The following FBLN5 variants were observed in gnomAD, a reference collection of about 807,000 sequenced individuals.
FBLN5 encodes the protein fibulin-5.
In FBLN5, 24 loss-of-function variants were observed where a neutral mutation model predicts 61.6. That is an observed-to-expected ratio of 0.39 (90% CI 0.28 to 0.55). The LOEUF is 0.55. FBLN5 is among the 20% of genes least tolerant of loss of function. The pLI, the probability that FBLN5 is intolerant of heterozygous loss-of-function variation, is 0.65. For synonymous variants in FBLN5, 213 were observed against 219.8 expected (o/e 0.97, Z 0.27); for missense variants, 470 against 594.1 (o/e 0.79, Z 2.17).
At position 91,870,126 on chromosome 14, in the gene FBLN5, C is replaced by T. The variant is rs568348723; in HGVS notation, c.*98G>A. 3.0e-5 allele frequency: 38 copies of T among 1,269,534 alleles called. No homozygotes were observed. Among genetic ancestry groups the T allele is most frequent in the Admixed American group, 2.3e-4 (13 of 57,418 alleles). The allele number at this position is 1,269,534 out of a possible 1,614,324, so 78.6% of individuals were successfully genotyped here. On this transcript the variant is annotated 3_prime_UTR_variant, in exon 11 of 11. Coordinates refer to ENST00000342058, the MANE Select transcript of FBLN5 (RefSeq NM_006329.4). ...TCGGGGAAACGTTCAGCAGGAAATG[C>T]CTAACGTCTGTGTCGCTCTCATTCT...
At chr14:91,919,009 T>C (rs546866202) in intron 4 of FBLN5, among the ~76,000 whole-genome samples, 2 of 151,612 alleles carry the variant, frequency 1.3e-5, no homozygotes, top group Non-Finnish European at 2.9e-5. Flanking sequence ...TGGGAAGAAA[T>C]CACAGATTAA....
At position 91,942,331 on chromosome 14, in the gene FBLN5, G is replaced by C. The variant is rs116118912; in HGVS notation, c.72+576C>G. Among the ~76,000 whole-genome samples, 409 of 152,338 alleles carry C rather than the reference G, an allele frequency of 2.7e-3. 2 individuals are homozygous for C. Among genetic ancestry groups the C allele is most frequent in the African/African-American group, 9.1e-3 (379 of 41,572 alleles). Reference sequence around the variant, plus strand: ...GGAGCTGAATTATGCAACACTACATGCTGGGATGTTTGGGTAACACCCACT... The same window carrying C: ...GGAGCTGAATTATGCAACACTACATCCTGGGATGTTTGGGTAACACCCACT... On this transcript the variant is annotated intron_variant, in intron 2 of 10. Transcript: ENST00000342058.
Position 91,877,609 on chromosome 14 carries a change from C to A in FBLN5, c.1063G>T (p.Val355Leu). ...PFTILYRDMDVVSGRSVPADI... is the reference protein window; with the variant it reads ...PFTILYRDMDLVSGRSVPADI... ...GCGGGAACGGAGCGTCCTGACACCACGTCCATGTCCCGGTACAAGATGGTA... is the reference window on the plus strand; with the variant it reads ...GCGGGAACGGAGCGTCCTGACACCAAGTCCATGTCCCGGTACAAGATGGTA... Residue 355 changes from valine (V) to leucine (L), a missense_variant, in exon 10 of 11, where the codon GTG becomes TTG. Physicochemically the swap from Val to Leu is conservative, Grantham distance 32 (BLOSUM62 1). Transcript: ENST00000342058. 6.2e-7 allele frequency: 1 copy of A among 1,613,962 alleles called. No homozygotes were observed. Among genetic ancestry groups the A allele is most frequent in the African/African-American group, 1.3e-5 (1 of 75,034 alleles).
At chr14:91,923,831 A>G (rs2055781555) in intron 4 of FBLN5, among the ~76,000 whole-genome samples, 4 of 152,306 alleles carry the variant, frequency 2.6e-5, no homozygotes, top group Middle Eastern at 3.4e-3. Context: ...TCTGACACAG[A>G]AAAGTGATCA....
chr14:91,895,797 CAAAAAAAAAAA>C (rs60216411), intron 4 of FBLN5, among the ~76,000 whole-genome samples: 9 of 63,500 alleles, frequency 1.4e-4, no homozygotes, highest in Non-Finnish European at 1.9e-4. Flanking sequence ...GACCCTGTCT[CAAAAAAAAAAA>C]AAAAAAAAAA....
chr14:91,873,753 A>G (rs1889045653), intron 10 of FBLN5: 1 of 152,250 alleles, frequency 6.6e-6, no homozygotes, highest in Middle Eastern at 3.1e-3. Context: ...CCAACAGCCC[A>G]CCAGCTGTGT....
At chr14:91,936,042 A>AAG (rs1313198358) in intron 4 of FBLN5, among the ~76,000 whole-genome samples, 1 of 152,234 alleles carries the variant, frequency 6.6e-6, no homozygotes, top group Non-Finnish European at 1.5e-5. Context: ...AAGCATATAG[A>AAG]AGACACCTTA....
intron 5 of FBLN5, among the ~76,000 whole-genome samples, chr14:91,894,188 C>T (rs140701473): frequency 0.015 from 2,272 of 151,704 alleles, 67 homozygotes; most frequent in African/African-American, 0.052. Flanking sequence ...CACTTTAGCC[C>T]AGGAGTTCGA....
At chr14:91,877,363 A>C in intron 10 of FBLN5, 124 bp downstream of exon 10, 2 of 813,122 alleles carry the variant, frequency 2.5e-6, no homozygotes, top group South Asian at 2.8e-5. Context: ...CACACCCTCC[A>C]CTCTTCTCTC....
Position 91,942,917 on chromosome 14 carries a change from C to T in FBLN5, c.62G>A (p.Gly21Glu). 2 of 1,546,200 alleles carry T rather than the reference C, an allele frequency of 1.3e-6. No homozygotes were observed. Among genetic ancestry groups the T allele is most frequent in the Non-Finnish European group, 1.8e-6 (2 of 1,141,544 alleles). ...TILALCLPSP[G>E]NAQAQCTNGF... ...AAATAAAAATCTTACCTGTGCATTCCCAGGGCTTGGAAGACAGAGAGCCAG... is the reference window on the plus strand; with the variant it reads ...AAATAAAAATCTTACCTGTGCATTCTCAGGGCTTGGAAGACAGAGAGCCAG... The change falls in exon 2 of 11, where the codon GGG becomes GAG. Residue 21 changes from glycine (G) to glutamate (E), a missense_variant. Coordinates refer to ENST00000342058, the MANE Select transcript of FBLN5 (RefSeq NM_006329.4).
Position 91,882,973 on chromosome 14 carries a change from A to C in FBLN5, c.843T>G (p.Asp281Glu), listed in dbSNP as rs764978502. The C allele has an allele frequency of 3.7e-6, 6 of 1,614,084 alleles. No individual in the cohort carries two copies. The East Asian group carries it at 1.3e-4, about 36-fold the overall frequency. The change falls in exon 8 of 11, where the codon GAT becomes GAG. Residue 281 changes from aspartate to glutamate, a missense_variant. Physicochemically the swap from Asp to Glu is conservative, Grantham distance 45. Transcript: ENST00000342058. The surrounding 1 kb of genome is among the most constrained non-coding windows in gnomAD (Gnocchi z 4.9). ...CSCPPGYILL[D>E]DNRSCQDINE... ...CCTTACCTTGGCAGCTTCGGTTGTCATCCAGCAGGATGTAGCCTGGAGGGC... is the reference window on the plus strand; with the variant it reads ...CCTTACCTTGGCAGCTTCGGTTGTCCTCCAGCAGGATGTAGCCTGGAGGGC...
At chr14:91,936,376 G>A (rs547729076) in intron 4 of FBLN5, among the ~76,000 whole-genome samples, 5 of 152,296 alleles carry the variant, frequency 3.3e-5, no homozygotes, top group East Asian at 3.9e-4. Context: ...GCTTCTTCCC[G>A]GAGGTCCATT....
chr14:91,880,677 A>G (rs144029484), intron 9 of FBLN5, among the ~76,000 whole-genome samples: 2 of 152,038 alleles, frequency 1.3e-5, no homozygotes, highest in Non-Finnish European at 2.9e-5. Context: ...CCTCCTGAGT[A>G]GCTGGGACTA....
chr14:91,935,338 C>T (rs1595345942), intron 4 of FBLN5, among the ~76,000 whole-genome samples: 1 of 152,202 alleles, frequency 6.6e-6, no homozygotes, highest in East Asian at 1.9e-4. Flanking sequence ...CTGAGCTTGC[C>T]CGAGGCATCA....
intron 5 of FBLN5, 115 bp downstream of exon 5, chr14:91,894,835 C>T (rs1388360011): frequency 3.4e-6 from 2 of 582,838 alleles, no homozygotes; most frequent in Non-Finnish European, 3.1e-6. Context: ...CTCCCGCCCT[C>T]CCTAGCAAAG....
rs117451124 is a variant in FBLN5 at position 91,889,183 on chromosome 14, G to C, written c.620-1871C>G. Among the ~76,000 whole-genome samples, 442 of 152,342 alleles carry C rather than the reference G, an allele frequency of 2.9e-3. 13 individuals are homozygous for C. In the East Asian group the frequency reaches 0.071, roughly 24 times the overall value. On this transcript the variant is annotated intron_variant, in intron 6 of 10. Transcript: ENST00000342058. Reference sequence around the variant, plus strand: ...GGGGTTTCCCCACCGGGGACAGGAGGGGGTAGGAAAATGTCCACTGTGCTA... The same window carrying C: ...GGGGTTTCCCCACCGGGGACAGGAGCGGGTAGGAAAATGTCCACTGTGCTA...
At chr14:91,870,866 C>T (rs748869696) in intron 10 of FBLN5, among the ~76,000 whole-genome samples, 11 of 152,098 alleles carry the variant, frequency 7.2e-5, no homozygotes, top group Admixed American at 6.5e-4. Flanking sequence ...GAATGATGAA[C>T]GAATCATTGA....
intron 10 of FBLN5, among the ~76,000 whole-genome samples, chr14:91,871,288 G>A (rs1174481732): frequency 6.6e-6 from 1 of 151,268 alleles, no homozygotes; most frequent in Non-Finnish European, 1.5e-5. Flanking sequence ...AATTCCAGGG[G>A]CCCATTCCAA....
intron 5 of FBLN5, 139 bp from the exon 6 acceptor site, chr14:91,891,476 A>G (rs1045495595): frequency 1.2e-5 from 9 of 733,390 alleles, no homozygotes; most frequent in African/African-American, 1.2e-4. Context: ...GACAGTGCCT[A>G]CTGAGTGTCA....
Sources: allele counts gnomAD v4.1 joint callset (sites outside exome capture counted in the v4.1 genomes callset), GRCh38; gene constraint gnomAD v4.1.1; non-coding constraint Gnocchi (gnomAD v3.1); transcripts MANE v1.5; gene names NCBI Gene and HGNC (gene_info 2026-07-23, HGNC 2026-07-21).